Variants in WSCD1 observed in about 807,000 individuals in gnomAD.
WSCD1 encodes WSC domain sialate O sulfotransferase 1, also known as sialate:O-sulfotransferase 1.
Under a neutral mutation model 60.4 loss-of-function variants are expected in WSCD1, and 41 were observed. The ratio of observed to expected loss-of-function variants is 0.68; its 90% CI spans 0.53 to 0.88. The LOEUF is 0.88. WSCD1 is among the 40% of genes least tolerant of loss of function. The pLI, the probability that WSCD1 is intolerant of heterozygous loss-of-function variation, is 0.00. For missense variants in WSCD1, 784 were observed against 796.2 expected (o/e 0.98, Z 0.18); for synonymous variants, 361 against 332.5 (o/e 1.09, Z -0.93).
intron 2 of WSCD1, 107 bp downstream of exon 2, chr17:6,081,192 A>G (rs992210406): frequency 6.9e-6 from 9 of 1,308,528 alleles, no homozygotes; most frequent in South Asian, 6.2e-5. Flanking sequence ...TCACCGCTAG[A>G]TGGTTCTTTC....
intron 5 of WSCD1, among the ~76,000 whole-genome samples, chr17:6,107,824 G>T (rs1337592040): frequency 6.6e-6 from 1 of 152,196 alleles, no homozygotes; most frequent in African/African-American, 2.4e-5. Context: ...GGGGAAACTT[G>T]CTTCTGGAAA....
rs1909170557 is a variant in WSCD1 at position 6,080,640 on chromosome 17, A to G, written c.-19A>G. On this transcript the variant is annotated 5_prime_UTR_variant, in exon 2 of 9. Transcript: ENST00000317744. The surrounding 1 kb of genome is among the most constrained non-coding windows in gnomAD (Gnocchi z 6.6). ...GAGCCATCCCGGGGCTCCAGCCAGG[A>G]GCCCTGCTGCCCAGGGGCATGGCCA... The G allele has an allele frequency of 3.7e-6, 6 of 1,611,646 alleles. No individual in the cohort carries two copies. Among genetic ancestry groups the G allele is most frequent in the Non-Finnish European group, 4.2e-6 (5 of 1,179,422 alleles).
chr17:6,085,603 G>A (rs1193922099), intron 2 of WSCD1, among the ~76,000 whole-genome samples: 2 of 152,170 alleles, frequency 1.3e-5, no homozygotes, highest in Non-Finnish European at 2.9e-5. Context: ...TGTACAGCCT[G>A]GGAAGCATGT....
intron 2 of WSCD1, among the ~76,000 whole-genome samples, chr17:6,083,020 C>T (rs1909378764): frequency 6.6e-6 from 1 of 152,008 alleles, no homozygotes; most frequent in African/African-American, 2.4e-5. Flanking sequence ...CAGCAAGGCT[C>T]GTGTGTCAGA....
intron 3 of WSCD1, among the ~76,000 whole-genome samples, chr17:6,089,647 G>A (rs1490810992): frequency 1.3e-5 from 2 of 152,146 alleles, no homozygotes; most frequent in African/African-American, 4.8e-5. Flanking sequence ...TAAAACCATT[G>A]GGAGCTTAAA....
chr17:6,120,871 A>T lies in WSCD1; in HGVS notation c.*210A>T. ...AATGGACACACATACCTGGCCACGAACCCACACCTCCTCAGACACTCAGAC... is the reference window on the plus strand; with the variant it reads ...AATGGACACACATACCTGGCCACGATCCCACACCTCCTCAGACACTCAGAC... On this transcript the variant is annotated 3_prime_UTR_variant, in exon 9 of 9. Transcript: ENST00000317744. 1.7e-6 allele frequency: 1 copy of T among 590,468 alleles called. No individual in the cohort carries two copies. The highest frequency in any genetic ancestry group is 3.0e-6 in the Non-Finnish European group (1 of 336,382). The allele number at this position is 590,468 out of a possible 1,614,324, so 36.6% of individuals were successfully genotyped here.
chr17:6,097,175 C>G (rs1278754448), intron 5 of WSCD1, among the ~76,000 whole-genome samples: 2 of 152,244 alleles, frequency 1.3e-5, no homozygotes, highest in Admixed American at 1.3e-4. Context: ...TTACACACTG[C>G]TGCCATTCGG....
chr17:6,112,974 A>G (rs569708232), intron 7 of WSCD1, among the ~76,000 whole-genome samples: 140 of 152,214 alleles, frequency 9.2e-4, no homozygotes, highest in Non-Finnish European at 1.6e-3. Context: ...ACCACAAAAG[A>G]CCCTGAATAG....
chr17:6,088,612 G>A (rs1226804260), intron 3 of WSCD1, among the ~76,000 whole-genome samples: 2 of 152,134 alleles, frequency 1.3e-5, no homozygotes, highest in Non-Finnish European at 2.9e-5. Flanking sequence ...AGCTCACCCA[G>A]TAGTTGCCAG....
At chr17:6,095,371 C>G (rs41314095) in intron 5 of WSCD1, 148 bp downstream of exon 5, 244,811 of 1,132,492 alleles carry the variant, frequency 0.22, 29,129 homozygotes, top group Admixed American at 0.24. Context: ...AGGCAGGCAC[C>G]AGGTACCACA....
Position 6,098,163 on chromosome 17 carries a change from G to T in WSCD1, c.849+2940G>T, listed in dbSNP as rs549909627. Reference sequence around the variant, plus strand: ...AGAGACAGGGGGGCGGGGTGGGGGGGGTCTCACCAAGTTGCCCAGACTGGT... The same window carrying T: ...AGAGACAGGGGGGCGGGGTGGGGGGTGTCTCACCAAGTTGCCCAGACTGGT... On this transcript the variant is annotated intron_variant, in intron 5 of 8. Coordinates refer to ENST00000317744, the MANE Select transcript of WSCD1 (RefSeq NM_015253.2). Among the ~76,000 whole-genome samples, 3 of 146,828 alleles carry T rather than the reference G, an allele frequency of 2.0e-5. No homozygotes were observed. In the East Asian group the frequency reaches 6.4e-4, roughly 31 times the overall value.
chr17:6,098,295 A>AT (rs1910580606), intron 5 of WSCD1, among the ~76,000 whole-genome samples: 1 of 152,084 alleles, frequency 6.6e-6, no homozygotes, highest in Admixed American at 6.6e-5. Context: ...TGTATTTGTG[A>AT]TTACAGACAA....
intron 1 of WSCD1, among the ~76,000 whole-genome samples, chr17:6,074,295 C>G (rs961267997): frequency 6.6e-6 from 1 of 152,214 alleles, no homozygotes; most frequent in African/African-American, 2.4e-5. Flanking sequence ...CTTGTTCCCC[C>G]AAAGGGCCCA....
intron 5 of WSCD1, among the ~76,000 whole-genome samples, chr17:6,095,620 AG>A (rs1910376565): frequency 6.6e-6 from 1 of 152,204 alleles, no homozygotes; most frequent in Non-Finnish European, 1.5e-5. Flanking sequence ...ATCTGATGAC[AG>A]GGGCTGGAGC....
intron 1 of WSCD1, among the ~76,000 whole-genome samples, chr17:6,071,451 G>C (rs1908540769): frequency 6.6e-6 from 1 of 152,200 alleles, no homozygotes; most frequent in South Asian, 2.1e-4. Context: ...AGGAGTTCTA[G>C]CCTCATAGCC....
rs3826522 is a variant in WSCD1, at chr17:6,121,373, G to T, written c.*712G>T. Reference sequence around the variant, plus strand: ...AGGGTTGAGGACTGCCCCCCACCCCGCCCAAGCCAATGCAGACACTGACCT... The same window carrying T: ...AGGGTTGAGGACTGCCCCCCACCCCTCCCAAGCCAATGCAGACACTGACCT... On this transcript the variant is annotated 3_prime_UTR_variant, in exon 9 of 9. Transcript: ENST00000317744. 0.24 allele frequency: 36,327 copies of T among 152,114 alleles called. 5,039 individuals are homozygous for T. Among genetic ancestry groups the T allele is most frequent in the East Asian group, 0.41 (2,113 of 5,122 alleles). 9.4% of individuals were successfully genotyped at this position (152,114 alleles called of 1,614,324 possible).
At chr17:6,112,318 G>C (rs1170271171) in intron 7 of WSCD1, among the ~76,000 whole-genome samples, 4 of 152,072 alleles carry the variant, frequency 2.6e-5, no homozygotes, top group Non-Finnish European at 5.9e-5. Context: ...CACAATGAAG[G>C]CCATATGTGA....
chr17:6,088,673 C>T (rs939061417), intron 3 of WSCD1, among the ~76,000 whole-genome samples: 2 of 145,810 alleles, frequency 1.4e-5, no homozygotes, highest in African/African-American at 5.0e-5. Context: ...GCCCTCACAA[C>T]TGACTGTGTG....
rs7216386 is a variant in WSCD1 at position 6,083,704 on chromosome 17, A to C, written c.427+2619A>C. On this transcript the variant is annotated intron_variant, in intron 2 of 8. Coordinates refer to ENST00000317744, the MANE Select transcript of WSCD1 (RefSeq NM_015253.2). ...TGAGGCAGGAGAATCGCTTGAACCC[A>C]GGAGGCAGAGGTTGCAGTGAGCCGA... Among the ~76,000 whole-genome samples the C allele has an allele frequency of 2.6e-5, 4 of 151,862 alleles. No individual in the cohort carries two copies. The South Asian group carries it at 6.2e-4, about 24-fold the overall frequency.
Sources: allele counts gnomAD v4.1 joint callset (sites outside exome capture counted in the v4.1 genomes callset), GRCh38; gene constraint gnomAD v4.1.1; non-coding constraint Gnocchi (gnomAD v3.1); transcripts MANE v1.5; gene names NCBI Gene and HGNC (gene_info 2026-07-23, HGNC 2026-07-21).